GLIS3: variants seen among roughly 807,000 people sequenced by gnomAD.
GLIS3 encodes the protein zinc finger protein GLIS3.
GLIS3 carries 53 observed loss-of-function variants against 78.6 expected under a neutral mutation model. The observed-to-expected ratio is 0.67, with a 90% CI of 0.54 to 0.85. The LOEUF is 0.85. Ranked by LOEUF, GLIS3 falls within the 40% of genes least tolerant of loss-of-function variation. GLIS3 has a pLI of 0.00. For synonymous variants in GLIS3, 684 were observed against 509.9 expected, an observed-to-expected ratio of 1.34 and a Z score of -4.60; for missense variants, 1,703 against 1,231.1, an observed-to-expected ratio of 1.38 and a Z score of -5.74.
intron 3 of GLIS3, among the ~76,000 whole-genome samples, chr9:4,119,273 C>A (rs1175060673): frequency 6.6e-6 from 1 of 152,130 alleles, no homozygotes; most frequent in Non-Finnish European, 1.5e-5. Flanking sequence ...TTGTTGAGCA[C>A]CTACTATGTG....
chr9:4,179,883 C>G (rs1349665588), intron 2 of GLIS3, among the ~76,000 whole-genome samples: 1 of 149,152 alleles, frequency 6.7e-6, no homozygotes, highest in Non-Finnish European at 1.5e-5. Context: ...GTACTCCAGC[C>G]TGGGTGAGAG....
rs74437237 is a variant in GLIS3, at chr9:4,325,363, G to A, written n.265-14835C>T. 2.6e-3 allele frequency among the ~76,000 whole-genome samples: 400 copies of A among 152,288 alleles called. 2 individuals carry two copies. The highest frequency in any genetic ancestry group is 0.014 in the Middle Eastern group (4 of 294). On this transcript the variant is annotated intron_variant and non_coding_transcript_variant, in intron 2 of 4. Coordinates refer to the GLIS3 transcript ENST00000471664. Reference sequence around the variant, plus strand: ...GTGGTGACTAGAACCCTGAAAATGTGCTAGGGCATAATGTTTGGACAAACA... The same window carrying A: ...GTGGTGACTAGAACCCTGAAAATGTACTAGGGCATAATGTTTGGACAAACA...
At chr9:4,112,491 G>T (rs1586702649) in intron 4 of GLIS3, among the ~76,000 whole-genome samples, 1 of 152,092 alleles carries the variant, frequency 6.6e-6, no homozygotes, top group Admixed American at 6.5e-5. Flanking sequence ...TCTCAACCTT[G>T]ACTGCTCATT....
intron 2 of GLIS3, among the ~76,000 whole-genome samples, chr9:4,172,694 C>A (rs969576618): frequency 6.6e-6 from 1 of 152,122 alleles, no homozygotes; most frequent in Non-Finnish European, 1.5e-5. Flanking sequence ...CTGTCCTCTC[C>A]ACAGGTTAGG....
At chr9:3,889,917 C>T (rs1328470649) in intron 7 of GLIS3, among the ~76,000 whole-genome samples, 1 of 152,178 alleles carries the variant, frequency 6.6e-6, no homozygotes, top group Non-Finnish European at 1.5e-5. Flanking sequence ...ATGCTAACTA[C>T]TAAGAACCAT....
In GLIS3 at chr9:3,977,824, G is replaced by A. The variant is rs545997797; in HGVS notation, c.1711-40635C>T. Among the ~76,000 whole-genome samples, 19 of 152,320 alleles carry A rather than the reference G, an allele frequency of 1.2e-4. 1 individual carries two copies. The highest frequency in any genetic ancestry group is 4.3e-4 in the African/African-American group (18 of 41,578). ...TTGAATTGAACCAGGAACACTAGCAGTCATCACCATTTCTACAGCAGGCTG... is the reference window on the plus strand; with the variant it reads ...TTGAATTGAACCAGGAACACTAGCAATCATCACCATTTCTACAGCAGGCTG... On this transcript the variant is annotated intron_variant, in intron 4 of 10. Coordinates refer to ENST00000381971, the MANE Select transcript of GLIS3 (RefSeq NM_001042413.2). The surrounding 1 kb of genome is among the most constrained non-coding windows in gnomAD (Gnocchi z 4.1).
Position 4,124,520 on chromosome 9 carries a change from C to G in GLIS3, c.596+1214G>C, listed in dbSNP as rs565349869. Reference sequence around the variant, plus strand: ...CCATGAGCACAGTTCATTTTACATGCAGCACTCAGCAAGTCTGAGAAGTCC... The same window carrying G: ...CCATGAGCACAGTTCATTTTACATGGAGCACTCAGCAAGTCTGAGAAGTCC... On this transcript the variant is annotated intron_variant, in intron 3 of 10. Transcript: ENST00000381971. Among the ~76,000 whole-genome samples, 54 of 152,332 alleles carry G rather than the reference C, an allele frequency of 3.5e-4. 1 individual carries two copies. The highest frequency in any genetic ancestry group is 1.9e-3 in the Admixed American group (29 of 15,300).
At chr9:4,417,158 G>A in the GLIS3 span, among the ~76,000 whole-genome samples, 253 of 152,174 alleles carry the variant, frequency 1.7e-3, 1 homozygote, top group South Asian at 0.024. Context: ...ACCAATCAAG[G>A]GTAGACTTTG....
chr9:4,366,379 T>C, the GLIS3 span, among the ~76,000 whole-genome samples: 5 of 152,138 alleles, frequency 3.3e-5, no homozygotes, highest in South Asian at 4.1e-4. Context: ...AGTTAAAACG[T>C]GAAAAAAAAC....
intron 1 of GLIS3, among the ~76,000 whole-genome samples, chr9:4,290,602 T>G (rs577454689): frequency 6.6e-6 from 1 of 152,264 alleles, no homozygotes; most frequent in South Asian, 2.1e-4. Context: ...CATTTCGCAA[T>G]TCAATCAAGG....
chr9:4,183,039 T>C (rs928102665), intron 2 of GLIS3, among the ~76,000 whole-genome samples: 3 of 152,304 alleles, frequency 2.0e-5, no homozygotes, highest in Middle Eastern at 3.4e-3. Flanking sequence ...CTGACACAGA[T>C]AGTGGTGAGG....
intron 9 of GLIS3, among the ~76,000 whole-genome samples, chr9:3,830,946 A>G (rs1476609518): frequency 6.6e-6 from 1 of 152,154 alleles, no homozygotes; most frequent in East Asian, 1.9e-4. Context: ...CCTTGCTGGG[A>G]CACTGGGAGG....
the GLIS3 span, among the ~76,000 whole-genome samples, chr9:4,360,759 T>C: frequency 6.6e-6 from 1 of 152,180 alleles, no homozygotes; most frequent in Non-Finnish European, 1.5e-5. Flanking sequence ...CAGAGTTGTG[T>C]TGAGTGTGTT....
intron 2 of GLIS3, among the ~76,000 whole-genome samples, chr9:4,143,778 G>A (rs1238683035): frequency 6.6e-6 from 1 of 152,132 alleles, no homozygotes; most frequent in Non-Finnish European, 1.5e-5. Context: ...CTGCTGCTAT[G>A]AGTTCCAGCA....
At chr9:4,448,797 G>A in the GLIS3 span, among the ~76,000 whole-genome samples, 1 of 152,148 alleles carries the variant, frequency 6.6e-6, no homozygotes, top group African/African-American at 2.4e-5. Flanking sequence ...TTTGTTACCA[G>A]CTTACTTTGT....
intron 4 of GLIS3, among the ~76,000 whole-genome samples, chr9:4,026,045 C>G (rs1414931580): frequency 6.6e-6 from 1 of 152,106 alleles, no homozygotes; most frequent in East Asian, 1.9e-4. Flanking sequence ...TGCTTTGAGT[C>G]TAATCATAAT....
At chr9:4,245,575 T>C (rs1823734289) in intron 2 of GLIS3, among the ~76,000 whole-genome samples, 1 of 152,226 alleles carries the variant, frequency 6.6e-6, no homozygotes, top group Non-Finnish European at 1.5e-5. Flanking sequence ...AATACGTTTT[T>C]CTTAAATGAG....
chr9:3,990,674 G>A lies in GLIS3; in HGVS notation c.1711-53485C>T, dbSNP rs140408247. 4.4e-3 allele frequency among the ~76,000 whole-genome samples: 676 copies of A among 152,256 alleles called. 5 individuals carry two copies. The highest frequency in any genetic ancestry group is 0.016 in the African/African-American group (658 of 41,536). ...AGCCCTTGCCTTCTACTATACAGAA[G>A]AGGGAAGGAAAATTTCACACTCAGA... is the stretch of plus-strand genomic sequence containing the variant. On this transcript the variant is annotated intron_variant, in intron 4 of 10. Coordinates refer to ENST00000381971, the MANE Select transcript of GLIS3 (RefSeq NM_001042413.2).
chr9:4,338,214 G>T lies in GLIS3; in HGVS notation n.264+8867C>A, dbSNP rs950987893. 2.0e-5 allele frequency among the ~76,000 whole-genome samples: 3 copies of T among 152,140 alleles called. No homozygotes were observed. The East Asian group carries it at 5.8e-4, about 29-fold the overall frequency. ...CATTGAGATTTTGCTGCTGCTATGT[G>T]TTGGCAGTGTTGGACTAGATGAGTT... On this transcript the variant is annotated intron_variant and non_coding_transcript_variant, in intron 2 of 4. Coordinates refer to the GLIS3 transcript ENST00000471664.
Sources: allele counts gnomAD v4.1 joint callset (sites outside exome capture counted in the v4.1 genomes callset), GRCh38; gene constraint gnomAD v4.1.1; non-coding constraint Gnocchi (gnomAD v3.1); transcripts MANE v1.5; gene names NCBI Gene and HGNC (gene_info 2026-07-23, HGNC 2026-07-21).